The following ZNF407 variants were observed in gnomAD, a reference collection of about 807,000 sequenced individuals.
ZNF407 encodes the protein zinc finger protein 407.
ZNF407 carries 17 observed loss-of-function variants against 131.2 expected under a neutral mutation model. The observed-to-expected ratio is 0.13, with a 90% confidence interval of 0.09 to 0.19. ZNF407 has a LOEUF of 0.19. Ranked by LOEUF, ZNF407 falls within the 10% of genes least tolerant of loss-of-function variation. ZNF407 has a pLI of 1.00. For synonymous variants in ZNF407, 1,156 were observed against 1,062.0 expected, an observed-to-expected ratio of 1.09 and a Z score of -1.72; for missense variants, 2,681 against 2,830.6, an observed-to-expected ratio of 0.95 and a Z score of 1.20.
chr18:74,918,843 T>C (rs1326337861), intron 7 of ZNF407, among the ~76,000 whole-genome samples: 1 of 152,210 alleles, frequency 6.6e-6, no homozygotes, highest in African/African-American at 2.4e-5. Context: ...ATGTATTTCT[T>C]TCTAGTCTTT....
intron 1 of ZNF407, among the ~76,000 whole-genome samples, chr18:74,613,344 A>G (rs1193015038): frequency 6.6e-6 from 1 of 152,232 alleles, no homozygotes; most frequent in East Asian, 1.9e-4. Flanking sequence ...CCATCATATT[A>G]TAGTCACTCC....
At chr18:75,024,666 A>AG (rs1372179692) in intron 8 of ZNF407, among the ~76,000 whole-genome samples, 3 of 152,226 alleles carry the variant, frequency 2.0e-5, no homozygotes, top group Non-Finnish European at 2.9e-5. Context: ...ATAGGCATGC[A>AG]CTGTGGCAGA....
chr18:74,719,876 TCAC>T (rs981789192), intron 3 of ZNF407, among the ~76,000 whole-genome samples: 96 of 152,334 alleles, frequency 6.3e-4, no homozygotes, highest in African/African-American at 2.0e-3. Context: ...TTGCGTATAT[TCAC>T]CACATTTTCT....
chr18:75,054,131 C>G, intron 8 of ZNF407, among the ~76,000 whole-genome samples: 1 of 152,250 alleles, frequency 6.6e-6, no homozygotes, highest in Non-Finnish European at 1.5e-5. Context: ...ACATATGATT[C>G]ATTTTAAGGC....
chr18:74,987,789 C>T (rs200315049), intron 8 of ZNF407, among the ~76,000 whole-genome samples: 16 of 152,034 alleles, frequency 1.1e-4, no homozygotes, highest in Admixed American at 2.0e-4. Flanking sequence ...TACAAAACAC[C>T]GCTTAGAGGA....
chr18:74,939,281 C>T (rs967109551), intron 8 of ZNF407, among the ~76,000 whole-genome samples: 2 of 152,008 alleles, frequency 1.3e-5, no homozygotes, highest in East Asian at 1.9e-4. Context: ...ACCTGAAATA[C>T]AAGAAAATTG....
intron 6 of ZNF407, among the ~76,000 whole-genome samples, chr18:74,881,522 C>T (rs545378958): frequency 3.3e-5 from 5 of 152,042 alleles, no homozygotes; most frequent in Non-Finnish European, 5.9e-5. Flanking sequence ...GCTAATCACC[C>T]GCCTCCCCAT....
intron 4 of ZNF407, among the ~76,000 whole-genome samples, chr18:74,801,475 C>G (rs936465829): frequency 5.3e-5 from 8 of 152,150 alleles, no homozygotes; most frequent in Non-Finnish European, 1.5e-5. Flanking sequence ...AGAATGTTCC[C>G]TCAAATCATT....
intron 8 of ZNF407, among the ~76,000 whole-genome samples, chr18:75,002,809 A>C (rs1489819571): frequency 2.0e-5 from 3 of 151,596 alleles, no homozygotes; most frequent in Non-Finnish European, 4.4e-5. Flanking sequence ...CGGCTCAAAA[A>C]AAAAAAAAAA....
chr18:74,989,522 A>G (rs956008999), intron 8 of ZNF407, among the ~76,000 whole-genome samples: 6 of 152,212 alleles, frequency 3.9e-5, no homozygotes, highest in African/African-American at 1.2e-4. Context: ...CGAAGATTCT[A>G]TGAACTTAGC....
At chr18:75,041,092 A>G (rs902617335) in intron 8 of ZNF407, among the ~76,000 whole-genome samples, 2 of 152,238 alleles carry the variant, frequency 1.3e-5, no homozygotes, top group Admixed American at 6.5e-5. Context: ...TAATACTCGC[A>G]GTATCCCGCA....
At chr18:74,797,943 C>T (rs781366319) in intron 4 of ZNF407, among the ~76,000 whole-genome samples, 21 of 151,714 alleles carry the variant, frequency 1.4e-4, no homozygotes, top group South Asian at 4.2e-4. Context: ...TTAGCGCATC[C>T]GTAAAGACCA....
At chr18:74,849,068 T>TA (rs1320155348) in intron 4 of ZNF407, among the ~76,000 whole-genome samples, 5 of 144,598 alleles carry the variant, frequency 3.5e-5, no homozygotes, top group East Asian at 2.0e-4. Flanking sequence ...TTTTTTTTTA[T>TA]TTTTTATTTT....
chr18:75,000,773 G>T (rs1040958388), intron 8 of ZNF407, among the ~76,000 whole-genome samples: 1 of 151,928 alleles, frequency 6.6e-6, no homozygotes, highest in Non-Finnish European at 1.5e-5. Flanking sequence ...CTGCCTATGT[G>T]CTCAACCTTA....
At chr18:74,853,712 G>A (rs528356834) in intron 4 of ZNF407, among the ~76,000 whole-genome samples, 1 of 152,028 alleles carries the variant, frequency 6.6e-6, no homozygotes, top group Non-Finnish European at 1.5e-5. Context: ...TGTCTGTGTT[G>A]CTGCTCTCTG....
chr18:74,782,886 A>C (rs1969634088), intron 4 of ZNF407, among the ~76,000 whole-genome samples: 1 of 152,152 alleles, frequency 6.6e-6, no homozygotes, highest in Admixed American at 6.5e-5. Context: ...TACAGGCTTG[A>C]GCGACCGTGC....
intron 4 of ZNF407, among the ~76,000 whole-genome samples, chr18:74,822,023 T>C (rs897985732): frequency 1.2e-4 from 19 of 152,318 alleles, no homozygotes; most frequent in African/African-American, 4.6e-4. Context: ...TAATGACCAG[T>C]GAGGATGAGC....
chr18:74,943,935 A>G (rs1972127780), intron 8 of ZNF407, among the ~76,000 whole-genome samples: 1 of 152,240 alleles, frequency 6.6e-6, no homozygotes, highest in Non-Finnish European at 1.5e-5. Flanking sequence ...AAATTATGCT[A>G]GATATTACCT....
chr18:74,969,619 T>G (rs1323558919), intron 8 of ZNF407, among the ~76,000 whole-genome samples: 1 of 152,122 alleles, frequency 6.6e-6, no homozygotes, highest in African/African-American at 2.4e-5. Context: ...TGGGGAAGGA[T>G]GTAGTGGAGT....
Sources: gnomAD v4.1 joint callset for allele counts (sites outside exome capture counted in the v4.1 genomes callset) on GRCh38, gnomAD v4.1.1 for gene constraint, MANE v1.5 for transcripts, NCBI Gene and HGNC (gene_info 2026-07-23, HGNC 2026-07-21) for gene names.